The following SYCP1 variants were observed in gnomAD, a reference collection of about 807,000 sequenced individuals.
SYCP1 encodes synaptonemal complex protein 1, also known as cancer/testis antigen 8.
A neutral mutation model predicts 153.1 loss-of-function variants in SYCP1; 64 were observed. That is an observed-to-expected ratio of 0.42 (90% CI 0.34 to 0.51). The LOEUF (loss-of-function observed/expected upper bound fraction) is 0.51. SYCP1 is among the 20% of genes least tolerant of loss of function. The pLI, the probability that SYCP1 is intolerant of heterozygous loss-of-function variation, is 0.06. For missense variants in SYCP1, 997 were observed against 1,049.0 expected, an observed-to-expected ratio of 0.95 and a Z score of 0.68; for synonymous variants, 384 against 341.8, an observed-to-expected ratio of 1.12 and a Z score of -1.36.
intron 23 of SYCP1, among the ~76,000 whole-genome samples, chr1:114,942,504 T>C (rs1227966771): frequency 6.6e-6 from 1 of 151,860 alleles, no homozygotes; most frequent in Non-Finnish European, 1.5e-5. Flanking sequence ...AGTATGACAC[T>C]GGCACAGAAG....
intron 27 of SYCP1, among the ~76,000 whole-genome samples, chr1:114,949,863 C>T (rs574692553): frequency 1.3e-5 from 2 of 152,068 alleles, no homozygotes; most frequent in Non-Finnish European, 2.9e-5. Flanking sequence ...TTTTTATTTG[C>T]ATATCAAAAA....
intron 23 of SYCP1, among the ~76,000 whole-genome samples, chr1:114,932,185 A>G (rs555823568): frequency 6.6e-6 from 1 of 152,182 alleles, no homozygotes. Flanking sequence ...AATATTCTTA[A>G]CATGTCAAAT....
At chr1:114,914,709 T>C (rs1668405752) in intron 20 of SYCP1, among the ~76,000 whole-genome samples, 2 of 152,304 alleles carry the variant, frequency 1.3e-5, no homozygotes, top group African/African-American at 2.4e-5. Context: ...ACTTTTGCTT[T>C]CTAGGCTAAG....
chr1:114,912,327 T>C (rs1668234001), intron 18 of SYCP1, among the ~76,000 whole-genome samples: 1 of 152,008 alleles, frequency 6.6e-6, no homozygotes, highest in Non-Finnish European at 1.5e-5. Context: ...TTTCAACTTT[T>C]CATTGGCTTA....
At position 114,857,157 on chromosome 1, in the gene SYCP1, A is replaced by AAAAAAAAAAAG. The variant is rs1664040863; in HGVS notation, c.194-75_194-74insAAAAAAAAAAG. Reference sequence around the variant, plus strand: ...CTCTCAAAAAAAAAAAAAAAAAAAAAGAGAAAAAAGAAAAAAAAAAAGAAA... The same window carrying AAAAAAAAAAAG: ...CTCTCAAAAAAAAAAAAAAAAAAAAAAAAAAAAAAAGGAGAAAAAAGAAAAAAAAAAAGAAA... On this transcript the variant is annotated intron_variant, in intron 3 of 31. Transcript: ENST00000369522. The AAAAAAAAAAAG allele has an allele frequency of 4.4e-4, 388 of 881,432 alleles. 2 individuals are homozygous for AAAAAAAAAAAG. Among genetic ancestry groups the AAAAAAAAAAAG allele is most frequent in the Non-Finnish European group, 5.3e-4 (329 of 621,148 alleles). The allele number at this position is 881,432 out of a possible 1,614,324, so 54.6% of individuals were successfully genotyped here.
chr1:114,940,402 T>A (rs1382733350), intron 23 of SYCP1, among the ~76,000 whole-genome samples: 1 of 152,186 alleles, frequency 6.6e-6, no homozygotes, highest in African/African-American at 2.4e-5. Flanking sequence ...CAGACCTATC[T>A]TAAGATGAGT....
intron 12 of SYCP1, among the ~76,000 whole-genome samples, chr1:114,883,935 C>A (rs961742642): frequency 2.0e-5 from 3 of 152,194 alleles, no homozygotes; most frequent in Non-Finnish European, 4.4e-5. Context: ...TCATGATCCA[C>A]CCGCCTCGGC....
In SYCP1 at chr1:114,860,832, G is replaced by A. The variant is rs373630195; in HGVS notation, c.598+23G>A. On this transcript the variant is annotated intron_variant, in intron 8 of 31. Transcript: ENST00000369522. ...AATGTAAATATCTTTCTTGTTTTAT[G>A]TGATTTTATCAATTTATTTTACTGG... 7 of 1,528,744 alleles carry A rather than the reference G, an allele frequency of 4.6e-6. No individual in the cohort carries two copies. The East Asian group carries it at 7.0e-5, about 15-fold the overall frequency. 94.7% of individuals were successfully genotyped at this position (1,528,744 alleles called of 1,614,324 possible).
chr1:114,895,007 G>T (rs113223353), intron 15 of SYCP1, among the ~76,000 whole-genome samples: 1 of 150,042 alleles, frequency 6.7e-6, no homozygotes, highest in Non-Finnish European at 1.5e-5. Context: ...TATTGGTAGC[G>T]TAAGGGCAGA....
rs772581378 is a variant in SYCP1 at position 114,857,216 on chromosome 1, G to T, written c.194-16G>T. On this transcript the variant is annotated splice_polypyrimidine_tract_variant and intron_variant, in intron 3 of 31. Coordinates refer to ENST00000369522, the MANE Select transcript of SYCP1 (RefSeq NM_003176.4). ...GATGTTGGCGTATTTAATACCTGTTGTCTTTTATCTTGCAGATCCTGCTTT... is the reference window on the plus strand; with the variant it reads ...GATGTTGGCGTATTTAATACCTGTTTTCTTTTATCTTGCAGATCCTGCTTT... The T allele has an allele frequency of 2.7e-6, 4 of 1,474,062 alleles. No individual in the cohort carries two copies. Among genetic ancestry groups the T allele is most frequent in the South Asian group, 1.2e-5 (1 of 81,502 alleles). 91.3% of individuals were successfully genotyped at this position (1,474,062 alleles called of 1,614,324 possible).
chr1:114,861,919 C>A (rs1664404941), intron 8 of SYCP1, among the ~76,000 whole-genome samples: 1 of 151,298 alleles, frequency 6.6e-6, no homozygotes, highest in Admixed American at 6.6e-5. Flanking sequence ...CCTTCCTCAG[C>A]CTCGCGAGTA....
At chr1:114,937,054 C>T (rs1670059547) in intron 23 of SYCP1, among the ~76,000 whole-genome samples, 1 of 152,126 alleles carries the variant, frequency 6.6e-6, no homozygotes, top group African/African-American at 2.4e-5. Context: ...CTTTAAAGTT[C>T]ATATGGAACC....
intron 23 of SYCP1, among the ~76,000 whole-genome samples, chr1:114,930,932 T>G (rs937520512): frequency 3.3e-5 from 5 of 151,890 alleles, no homozygotes; most frequent in African/African-American, 1.2e-4. Flanking sequence ...TCAAACAATT[T>G]ATCAGGAATG....
intron 27 of SYCP1, among the ~76,000 whole-genome samples, chr1:114,956,057 G>A (rs763799342): frequency 1.3e-5 from 2 of 152,208 alleles, no homozygotes; most frequent in Non-Finnish European, 2.9e-5. Context: ...CCAGCTGAGA[G>A]CTGCTAACAC....
At chr1:114,857,835 A>G (rs1216132852) in intron 5 of SYCP1, among the ~76,000 whole-genome samples, 1 of 152,098 alleles carries the variant, frequency 6.6e-6, no homozygotes, top group Non-Finnish European at 1.5e-5. Flanking sequence ...TTTGTAGGAC[A>G]TGCTATATAC....
At position 114,902,199 on chromosome 1, in the gene SYCP1, T is replaced by C. The variant is rs761593434; in HGVS notation, c.1320+6690T>C. ...GTTGGACTGAGGCCGACATTCCAGA[T>C]CTCCGGGAGCAATGGGAGTAGGGGT... On this transcript the variant is annotated intron_variant, in intron 16 of 31. Coordinates refer to ENST00000369522, the MANE Select transcript of SYCP1 (RefSeq NM_003176.4). Among the ~76,000 whole-genome samples the C allele has an allele frequency of 5.3e-5, 8 of 152,028 alleles. 1 individual carries two copies. Among genetic ancestry groups the C allele is most frequent in the African/African-American group, 2.4e-5 (1 of 41,396 alleles).
chr1:114,872,786 A>G (rs973502736), intron 8 of SYCP1, among the ~76,000 whole-genome samples: 38 of 152,038 alleles, frequency 2.5e-4, no homozygotes, highest in African/African-American at 8.7e-4. Flanking sequence ...TACTTTCCTC[A>G]GCTGTGTCTA....
intron 8 of SYCP1, among the ~76,000 whole-genome samples, chr1:114,869,927 G>A (rs555909106): frequency 4.6e-5 from 7 of 152,142 alleles, no homozygotes; most frequent in East Asian, 1.9e-4. Flanking sequence ...TTTGCTTCAC[G>A]TATTTTGACA....
chr1:114,942,413 T>C (rs1458596581), intron 23 of SYCP1, among the ~76,000 whole-genome samples: 4 of 151,954 alleles, frequency 2.6e-5, no homozygotes, highest in Admixed American at 2.0e-4. Flanking sequence ...CAAGAATAAC[T>C]AAAGCAATCT....
Sources: allele counts gnomAD v4.1 joint callset (sites outside exome capture counted in the v4.1 genomes callset), GRCh38; gene constraint gnomAD v4.1.1; transcripts MANE v1.5; gene names NCBI Gene and HGNC (gene_info 2026-07-23, HGNC 2026-07-21).